The following RPTOR variants were observed in gnomAD, a reference collection of about 807,000 sequenced individuals.
The protein encoded by RPTOR is regulatory associated protein of MTOR complex 1.
RPTOR carries 21 observed loss-of-function variants against 169.9 expected under a neutral mutation model. The observed-to-expected ratio is 0.12, with a 90% CI of 0.09 to 0.18. The LOEUF (loss-of-function observed/expected upper bound fraction) is 0.18, where lower values mean the gene tolerates loss of function less well. Among genes scored for constraint, RPTOR ranks in the 10% least tolerant of loss-of-function variants. The pLI, the probability that RPTOR is intolerant of heterozygous loss-of-function variation, is 1.00. For missense variants in RPTOR, 1,133 were observed against 1,855.9 expected, an observed-to-expected ratio of 0.61 and a Z score of 7.16; for synonymous variants, 732 against 753.2, an observed-to-expected ratio of 0.97 and a Z score of 0.46.
intron 5 of RPTOR, among the ~76,000 whole-genome samples, chr17:80,747,625 G>A (rs924498058): frequency 1.3e-5 from 2 of 152,236 alleles, no homozygotes; most frequent in Non-Finnish European, 2.9e-5. Context: ...GAGGCATTGG[G>A]CCAAGCGCCC....
Position 80,662,469 on chromosome 17 carries a change from G to A in RPTOR, c.348+18659G>A, listed in dbSNP as rs936721852. ...TTTGGTGGGCGGGGCTAGGGAGTGG[G>A]TGCTGCTGATTGGTTGGGGGGTGAA... On this transcript the variant is annotated intron_variant, in intron 3 of 33. Transcript: ENST00000306801. 1.3e-4 allele frequency among the ~76,000 whole-genome samples: 20 copies of A among 151,934 alleles called. 1 individual carries two copies. Among genetic ancestry groups the A allele is most frequent in the Non-Finnish European group, 2.5e-4 (17 of 68,004 alleles).
At chr17:80,547,944 T>G (rs1201993926) in intron 1 of RPTOR, among the ~76,000 whole-genome samples, 1 of 151,628 alleles carries the variant, frequency 6.6e-6, no homozygotes, top group Non-Finnish European at 1.5e-5. Flanking sequence ...GCCTCTCTCT[T>G]TGTCTTTGAG....
chr17:80,883,500 A>AC lies in RPTOR; in HGVS notation c.1650+21dup, dbSNP rs1181679864. The stretch of plus-strand genomic sequence containing the variant: ...CACGGGGCAGGTGAGCCCCCCAGCC[A>AC]CCCCCAGCCCCAGAGCTCACCCTTG... On this transcript the variant is annotated intron_variant, in intron 15 of 33. Coordinates refer to ENST00000306801, the MANE Select transcript of RPTOR (RefSeq NM_020761.3). 2 of 1,612,236 alleles carry AC rather than the reference A, an allele frequency of 1.2e-6. No individual in the cohort carries two copies. Among genetic ancestry groups the AC allele is most frequent in the South Asian group, 1.1e-5 (1 of 91,020 alleles).
Position 80,562,937 on chromosome 17 carries a change from C to T in RPTOR, c.162+17146C>T, listed in dbSNP as rs531074832. 2.0e-3 allele frequency among the ~76,000 whole-genome samples: 303 copies of T among 152,338 alleles called. 1 individual carries two copies. The highest frequency in any genetic ancestry group is 7.0e-3 in the African/African-American group (291 of 41,588). On this transcript the variant is annotated intron_variant, in intron 1 of 33. Transcript: ENST00000306801. The surrounding 1 kb of genome is among the most constrained non-coding windows in gnomAD (Gnocchi z 4.4). ...AGTTTTCAGCTAGGTGTGACCGTCG[C>T]CTGCCTTGCTGCCGATGTCCTGAAG... is the stretch of plus-strand genomic sequence containing the variant.
chr17:80,709,482 C>T (rs930299225), intron 4 of RPTOR, among the ~76,000 whole-genome samples: 1 of 152,232 alleles, frequency 6.6e-6, no homozygotes, highest in African/African-American at 2.4e-5. Context: ...CGCGCTCTTC[C>T]GCAGTGCGCT....
rs189037512 is a variant in RPTOR, at chr17:80,901,075, T to G, written c.2401+7210T>G. On this transcript the variant is annotated intron_variant, in intron 20 of 33. Coordinates refer to ENST00000306801, the MANE Select transcript of RPTOR (RefSeq NM_020761.3). ...TGTGCGCGTGCCATGCCTGAGGCCC[T>G]GGGTGCTGTCCACAGGCAAGAGGGA... Among the ~76,000 whole-genome samples, 257 of 152,338 alleles carry G rather than the reference T, an allele frequency of 1.7e-3. 1 individual carries two copies. The highest frequency in any genetic ancestry group is 5.6e-3 in the African/African-American group (232 of 41,584).
At chr17:80,716,227 C>A (rs2066238235) in intron 4 of RPTOR, among the ~76,000 whole-genome samples, 1 of 152,192 alleles carries the variant, frequency 6.6e-6, no homozygotes, top group African/African-American at 2.4e-5. Context: ...ACACCAGCAT[C>A]TACTGTTTTT....
chr17:80,688,227 G>T (rs2065963628), intron 3 of RPTOR, among the ~76,000 whole-genome samples: 1 of 152,162 alleles, frequency 6.6e-6, no homozygotes, highest in Non-Finnish European at 1.5e-5. Context: ...AATCTTCACA[G>T]AAACTAGAAG....
In RPTOR at chr17:80,961,467, A is replaced by G; in HGVS notation, c.3679A>G (p.Ile1227Val). 2 of 1,550,772 alleles carry G rather than the reference A, an allele frequency of 1.3e-6. No homozygotes were observed. Among genetic ancestry groups the G allele is most frequent in the Non-Finnish European group, 1.7e-6 (2 of 1,147,320 alleles). Residue 1227 changes from isoleucine to valine, a missense_variant, in exon 31 of 34, where the codon ATC becomes GTC. Ile to Val is a conservative substitution (Grantham distance 29). Transcript: ENST00000306801. ...CCTGCAGAAGCGTCCCGACGGCCAC[A>G]TCGTGAGTGTGAGGTGAGGAGCGCC... ...ASLQKRPDGH[I>V]VSVSVNGDVR...
Position 80,963,152 on chromosome 17 carries a change from C to T in RPTOR, c.3939+95C>T, listed in dbSNP as rs1056119197. The T allele has an allele frequency of 8.2e-5, 102 of 1,237,832 alleles. 1 individual carries two copies. The highest frequency in any genetic ancestry group is 7.2e-4 in the South Asian group (52 of 72,194). 76.7% of individuals were successfully genotyped at this position (1,237,832 alleles called of 1,614,324 possible). ...GGCAGCAGGGGTCCTGCCTGGCTAC[C>T]CCACACCACAGTGGGGCCCATTGGC... On this transcript the variant is annotated intron_variant, in intron 33 of 33. Transcript: ENST00000306801.
chr17:80,840,331 GCACGGCAGCTCACACTCACCA>G (rs2067615041), intron 10 of RPTOR, among the ~76,000 whole-genome samples: 3 of 133,494 alleles, frequency 2.2e-5, no homozygotes, highest in African/African-American at 5.7e-5. Context: ...CACTCTCACC[GCACGGCAGCTCACACTCACCA>G]CACGGCAGCT....
chr17:80,958,566 A>G (rs1306730017), intron 29 of RPTOR, among the ~76,000 whole-genome samples: 1 of 150,588 alleles, frequency 6.6e-6, no homozygotes, highest in Admixed American at 6.6e-5. Context: ...GCCCACCACC[A>G]CGCCCAGCTA....
At chr17:80,733,045 C>A (rs1248173841) in intron 5 of RPTOR, among the ~76,000 whole-genome samples, 1 of 152,158 alleles carries the variant, frequency 6.6e-6, no homozygotes, top group African/African-American at 2.4e-5. Flanking sequence ...AACATTAACA[C>A]AAATATGAGT....
At chr17:80,560,628 G>A (rs1260686882) in intron 1 of RPTOR, among the ~76,000 whole-genome samples, 1 of 152,134 alleles carries the variant, frequency 6.6e-6, no homozygotes, top group Non-Finnish European at 1.5e-5. Flanking sequence ...GGAGCTGAGA[G>A]GTGAGTGAGC....
At chr17:80,810,320 G>T (rs1384220901) in intron 7 of RPTOR, among the ~76,000 whole-genome samples, 3 of 152,128 alleles carry the variant, frequency 2.0e-5, no homozygotes, top group Admixed American at 6.5e-5. Context: ...GTTTCAAGTT[G>T]TTTTTTAATA....
At chr17:80,602,845 T>G in intron 1 of RPTOR, 1 of 583,364 alleles carries the variant, frequency 1.7e-6, no homozygotes, top group Admixed American at 2.5e-5. Flanking sequence ...TGGTGAATGT[T>G]GATGGTGTCT....
At chr17:80,572,001 G>A (rs932142800) in intron 1 of RPTOR, among the ~76,000 whole-genome samples, 10 of 152,184 alleles carry the variant, frequency 6.6e-5, no homozygotes, top group Non-Finnish European at 4.4e-5. Flanking sequence ...AAAATCAGGT[G>A]CTTGAATATA....
chr17:80,956,560 T>C (rs1445382271), intron 28 of RPTOR, among the ~76,000 whole-genome samples: 1 of 152,260 alleles, frequency 6.6e-6, no homozygotes, highest in Non-Finnish European at 1.5e-5. Flanking sequence ...CCTCAAGCTT[T>C]GATAGGGCCA....
At chr17:80,893,369 T>C (rs574956306) in intron 19 of RPTOR, among the ~76,000 whole-genome samples, 48 of 135,108 alleles carry the variant, frequency 3.6e-4, no homozygotes, top group African/African-American at 1.4e-3. Context: ...GCTGGGTGTG[T>C]GTGCACAAGG....
Sources: gnomAD v4.1 joint callset for allele counts (sites outside exome capture counted in the v4.1 genomes callset) on GRCh38, gnomAD v4.1.1 for gene constraint, Gnocchi (gnomAD v3.1) non-coding constraint, MANE v1.5 for transcripts, NCBI Gene and HGNC (gene_info 2026-07-23, HGNC 2026-07-21) for gene names.